The following EYS variants were observed in gnomAD, a reference collection of about 807,000 sequenced individuals.
EYS encodes EGF-like photoreceptor maintenance factor.
A neutral mutation model predicts 282.1 loss-of-function variants in EYS; 250 were observed. The observed-to-expected ratio is 0.89, with a 90% CI of 0.80 to 0.98. The LOEUF is 0.98. EYS is among the 50% of genes least tolerant of loss of function. The probability of loss-of-function intolerance (pLI) is 0.00; values close to 1 mark genes in which losing one functional copy is unlikely to be tolerated. For synonymous variants in EYS, 1,355 were observed against 1,282.9 expected, an observed-to-expected ratio of 1.06 and a Z score of -1.20; for missense variants, 4,016 against 3,709.0, an observed-to-expected ratio of 1.08 and a Z score of -2.15.
intron 28 of EYS, among the ~76,000 whole-genome samples, chr6:64,415,404 C>T (rs1248727679): frequency 2.6e-5 from 4 of 152,154 alleles, no homozygotes; most frequent in Non-Finnish European, 5.9e-5. Context: ...ATTCAAACTG[C>T]ATCTATGTAG....
intron 35 of EYS, among the ~76,000 whole-genome samples, chr6:63,925,829 A>G (rs1266581623): frequency 6.6e-6 from 1 of 152,168 alleles, no homozygotes; most frequent in Non-Finnish European, 1.5e-5. Flanking sequence ...TAGTTTTAGT[A>G]GAGACGGGGT....
chr6:64,631,268 T>G (rs1417775196), intron 22 of EYS: 3 of 152,188 alleles, frequency 2.0e-5, no homozygotes, highest in Admixed American at 2.0e-4. Flanking sequence ...TAACTGCTAT[T>G]AACAGGTGAC....
chr6:65,590,093 T>C (rs1428235781), intron 2 of EYS, among the ~76,000 whole-genome samples: 2 of 152,050 alleles, frequency 1.3e-5, no homozygotes, highest in South Asian at 2.1e-4. Flanking sequence ...TAAAATTCTA[T>C]GTGTTTTCCC....
At chr6:65,087,282 C>T (rs763505016) in intron 12 of EYS, among the ~76,000 whole-genome samples, 104 of 152,068 alleles carry the variant, frequency 6.8e-4, no homozygotes, top group African/African-American at 2.4e-3. Context: ...ATCCTGAAAG[C>T]TTCATCACCT....
intron 2 of EYS, among the ~76,000 whole-genome samples, chr6:65,531,277 G>C (rs1237810072): frequency 6.6e-6 from 1 of 152,092 alleles, no homozygotes; most frequent in Non-Finnish European, 1.5e-5. Flanking sequence ...GGCTTTAAGA[G>C]GCAATACCTA....
intron 22 of EYS, among the ~76,000 whole-genome samples, chr6:64,783,901 A>G (rs1248824640): frequency 6.6e-6 from 1 of 152,194 alleles, no homozygotes; most frequent in Non-Finnish European, 1.5e-5. Flanking sequence ...CTCAAAACTG[A>G]AAATTATTTT....
intron 22 of EYS, among the ~76,000 whole-genome samples, chr6:64,721,677 C>T (rs1444540244): frequency 2.0e-5 from 3 of 151,932 alleles, no homozygotes; most frequent in Non-Finnish European, 4.4e-5. Context: ...GTTTATGAAA[C>T]AAGAATAGCA....
Position 64,439,278 on chromosome 6 carries a change from T to C in EYS, c.5719A>G (p.Ile1907Val), listed in dbSNP as rs1222755895. 5 of 1,523,452 alleles carry C rather than the reference T, an allele frequency of 3.3e-6. No homozygotes were observed. Among genetic ancestry groups the C allele is most frequent in the Non-Finnish European group, 4.4e-6 (5 of 1,135,136 alleles). 94.4% of individuals were successfully genotyped at this position (1,523,452 alleles called of 1,614,324 possible). The change falls in exon 27 of 43, where the codon ATC becomes GTC. Residue 1907 changes from isoleucine (I) to valine (V), a missense_variant. Physicochemically the swap from Ile to Val is conservative, Grantham distance 29. Transcript: ENST00000503581. ...QNVALNPQNN[I>V]SLEFQTFSSY... is the part of the protein sequence containing the mutation. ...CTGAAGGTCTGAAATTCTAGGGAGA[T>C]GTTATTTTGTGGATTTAAAGCCACA... is the stretch of plus-strand genomic sequence containing the variant.
intron 12 of EYS, among the ~76,000 whole-genome samples, chr6:65,196,517 A>C (rs1343496847): frequency 6.6e-6 from 1 of 152,118 alleles, no homozygotes; most frequent in Non-Finnish European, 1.5e-5. Context: ...GCAATCATTC[A>C]ATCAACATTC....
intron 29 of EYS, among the ~76,000 whole-genome samples, chr6:64,386,706 C>A (rs1447133938): frequency 6.6e-6 from 1 of 152,138 alleles, no homozygotes; most frequent in Non-Finnish European, 1.5e-5. Flanking sequence ...CATAAGCCAA[C>A]CTGGTCATTA....
At chr6:65,007,658 C>T (rs553852739) in intron 13 of EYS, among the ~76,000 whole-genome samples, 1 of 152,036 alleles carries the variant, frequency 6.6e-6, no homozygotes, top group Non-Finnish European at 1.5e-5. Context: ...TGAATAAGGA[C>T]CCCCCTTCAA....
chr6:63,898,649 A>G (rs1773592249), intron 35 of EYS, among the ~76,000 whole-genome samples: 2 of 152,168 alleles, frequency 1.3e-5, no homozygotes, highest in African/African-American at 4.8e-5. Flanking sequence ...AAAAGAAGTA[A>G]CACAGAAATT....
At chr6:65,125,051 C>A (rs191571436) in intron 12 of EYS, among the ~76,000 whole-genome samples, 1 of 152,140 alleles carries the variant, frequency 6.6e-6, no homozygotes, top group Admixed American at 6.6e-5. Context: ...ACACTTTGAA[C>A]AACTAGGAAG....
At chr6:64,788,863 T>A (rs1375080929) in intron 22 of EYS, among the ~76,000 whole-genome samples, 1 of 152,212 alleles carries the variant, frequency 6.6e-6, no homozygotes, top group Admixed American at 6.5e-5. Context: ...ACATTTTTAA[T>A]AAATATTTTA....
chr6:64,583,751 C>T lies in EYS; in HGVS notation c.5644+6472G>A, dbSNP rs543129804. On this transcript the variant is annotated intron_variant, in intron 26 of 42. Coordinates refer to ENST00000503581, the MANE Select transcript of EYS (RefSeq NM_001142800.2). ...CAGAGGTTGCAGTGAGTCGAGATTG[C>T]ACCATCGCACTCCAGCCTGGGCAAC... 2.5e-3 allele frequency among the ~76,000 whole-genome samples: 382 copies of T among 151,990 alleles called. 4 individuals are homozygous for T. The highest frequency in any genetic ancestry group is 8.5e-3 in the African/African-American group (354 of 41,466).
chr6:64,313,658 A>G (rs1003169581), intron 29 of EYS, among the ~76,000 whole-genome samples: 3 of 152,164 alleles, frequency 2.0e-5, no homozygotes, highest in Non-Finnish European at 4.4e-5. Context: ...CCACAAAAGG[A>G]AGCCCATCAG....
chr6:65,608,425 G>A (rs906346396), intron 2 of EYS, among the ~76,000 whole-genome samples: 8 of 152,020 alleles, frequency 5.3e-5, no homozygotes, highest in African/African-American at 1.7e-4. Context: ...AGTGCTGAGT[G>A]AATGTGGAGG....
intron 35 of EYS, among the ~76,000 whole-genome samples, chr6:63,963,165 C>T (rs1185206743): frequency 2.6e-5 from 4 of 151,370 alleles, no homozygotes; most frequent in African/African-American, 7.3e-5. Context: ...GGAGATATAC[C>T]TAATGTTAAA....
At chr6:64,601,231 A>G (rs1205869691) in intron 24 of EYS, among the ~76,000 whole-genome samples, 1 of 152,056 alleles carries the variant, frequency 6.6e-6, no homozygotes, top group East Asian at 1.9e-4. Flanking sequence ...TAAAGATATC[A>G]TATATTGATG....
Sources: gnomAD v4.1 joint callset for allele counts (sites outside exome capture counted in the v4.1 genomes callset) on GRCh38, gnomAD v4.1.1 for gene constraint, MANE v1.5 for transcripts, NCBI Gene and HGNC (gene_info 2026-07-23, HGNC 2026-07-21) for gene names.